Variants in EFCAB6 observed in about 807,000 individuals in gnomAD.
EFCAB6 encodes EF-hand calcium binding domain 6, also known as EF-hand calcium-binding domain-containing protein 6.
A neutral mutation model predicts 169.8 loss-of-function variants in EFCAB6; 156 were observed. That is an observed-to-expected ratio of 0.92 (90% CI 0.81 to 1.05). The LOEUF is 1.05. Among genes scored for constraint, EFCAB6 ranks in the 50% least tolerant of loss-of-function variants. EFCAB6 has a pLI of 0.00. For synonymous variants in EFCAB6, 698 were observed against 676.4 expected (o/e 1.03, Z -0.50); for missense variants, 1,800 against 1,829.1 (o/e 0.98, Z 0.29).
intron 26 of EFCAB6, among the ~76,000 whole-genome samples, chr22:43,558,019 T>A (rs554596796): frequency 6.6e-6 from 1 of 152,308 alleles, no homozygotes; most frequent in South Asian, 2.1e-4. Flanking sequence ...TGAGTATTAA[T>A]CAAAAATTAT....
At chr22:43,581,702 C>T (rs1342425877) in intron 24 of EFCAB6, among the ~76,000 whole-genome samples, 1 of 152,154 alleles carries the variant, frequency 6.6e-6, no homozygotes, top group Non-Finnish European at 1.5e-5. Context: ...AAGGTGGAGA[C>T]AGAAGTTTCC....
At chr22:43,706,310 C>G (rs776774671) in intron 10 of EFCAB6, among the ~76,000 whole-genome samples, 2 of 152,218 alleles carry the variant, frequency 1.3e-5, no homozygotes, top group Non-Finnish European at 2.9e-5. Flanking sequence ...CTGCCTCTCA[C>G]CTTTTCATAG....
intron 24 of EFCAB6, among the ~76,000 whole-genome samples, chr22:43,581,876 C>T (rs569548646): frequency 5.3e-5 from 8 of 152,310 alleles, no homozygotes; most frequent in African/African-American, 1.4e-4. Context: ...GGATAAATTG[C>T]CAACGTGGTA....
intron 31 of EFCAB6, among the ~76,000 whole-genome samples, 154 bp from the exon 32 acceptor site, chr22:43,529,129 C>T (rs1405222417): frequency 6.6e-6 from 1 of 152,246 alleles, no homozygotes; most frequent in Non-Finnish European, 1.5e-5. Context: ...TATGCCCTCT[C>T]AACCTCTGCC....
intron 17 of EFCAB6, among the ~76,000 whole-genome samples, chr22:43,643,475 G>A (rs917374878): frequency 6.6e-6 from 1 of 152,246 alleles, no homozygotes; most frequent in Non-Finnish European, 1.5e-5. Context: ...GAGCAATAAG[G>A]AGCCACTCAG....
intron 10 of EFCAB6, 61 bp downstream of exon 10, chr22:43,711,414 G>T: frequency 6.8e-7 from 1 of 1,462,588 alleles, no homozygotes; most frequent in Non-Finnish European, 9.1e-7. Flanking sequence ...ACGAAGCTGT[G>T]CCTTATTCTT....
chr22:43,586,340 A>ATTTTTTTTTT (rs36058832), intron 24 of EFCAB6, among the ~76,000 whole-genome samples: 4,406 of 72,468 alleles, frequency 0.061, 554 homozygotes, highest in Non-Finnish European at 0.076. Flanking sequence ...GCAACAACTG[A>ATTTTTTTTTT]TTTTTTTTTT....
intron 17 of EFCAB6, among the ~76,000 whole-genome samples, chr22:43,657,480 A>T (rs1264242129): frequency 1.3e-5 from 2 of 152,168 alleles, no homozygotes; most frequent in Admixed American, 6.5e-5. Context: ...AATACATTTT[A>T]AAAATAAACC....
chr22:43,668,860 G>A lies in EFCAB6; in HGVS notation c.1814+12C>T, dbSNP rs2057369204. The A allele has an allele frequency of 5.7e-6, 9 of 1,574,852 alleles. No homozygotes were observed. The East Asian group carries it at 2.1e-4, about 36-fold the overall frequency. On this transcript the variant is annotated intron_variant, in intron 16 of 31. Transcript: ENST00000262726. ...TGGTTTTGATATGTGCATTCATTTT[G>A]CTTAATTTTACCTCTCAGAAAGATC...
chr22:43,601,529 T>G lies in EFCAB6; in HGVS notation c.2682-1266A>C, dbSNP rs5764680. Among the ~76,000 whole-genome samples the G allele has an allele frequency of 4.4e-3, 673 of 152,312 alleles. 14 individuals carry two copies. The East Asian group carries it at 0.059, about 13-fold the overall frequency. On this transcript the variant is annotated intron_variant, in intron 22 of 31. Transcript: ENST00000262726. ...TTTGTCTGATGGAGTAGAAGTACAA[T>G]CAGTTTTCCTTTGAGAGGTACAGCT...
intron 12 of EFCAB6, 61 bp downstream of exon 12, chr22:43,683,686 T>G: frequency 8.2e-7 from 1 of 1,217,380 alleles, no homozygotes; most frequent in East Asian, 2.3e-5. Flanking sequence ...GGTCTTGTTC[T>G]GAGTGTTTGC....
intron 17 of EFCAB6, among the ~76,000 whole-genome samples, chr22:43,646,501 TTA>T (rs1401047644): frequency 6.6e-6 from 1 of 152,172 alleles, no homozygotes; most frequent in Non-Finnish European, 1.5e-5. Flanking sequence ...CATATTGCAT[TTA>T]TATAGAAATA....
chr22:43,785,402 T>C (rs2062040316), intron 2 of EFCAB6, among the ~76,000 whole-genome samples: 2 of 150,884 alleles, frequency 1.3e-5, no homozygotes, highest in African/African-American at 4.9e-5. Flanking sequence ...AACACACTCC[T>C]AAATAACCAA....
Position 43,540,339 on chromosome 22 carries a change from C to G in EFCAB6, c.3667G>C (p.Glu1223Gln). ...CTCCCCTTGGCATTGACTGGCATCTCGTTCCAGAGTCTGTCAAACTGGAGA... is the reference window on the plus strand; with the variant it reads ...CTCCCCTTGGCATTGACTGGCATCTGGTTCCAGAGTCTGTCAAACTGGAGA... ...TDEQFDRLWN[E>Q]MPVNAKGRLK... The change falls in exon 28 of 32, where the codon GAG becomes CAG. Residue 1223 changes from glutamate (E) to glutamine (Q), a missense_variant. Glu to Gln is a conservative substitution (Grantham distance 29). Transcript: ENST00000262726. The G allele has an allele frequency of 1.2e-6, 2 of 1,614,056 alleles. No homozygotes were observed. The highest frequency in any genetic ancestry group is 1.7e-6 in the Non-Finnish European group (2 of 1,180,008).
chr22:43,747,934 C>T (rs1387050741), intron 6 of EFCAB6, among the ~76,000 whole-genome samples: 1 of 152,088 alleles, frequency 6.6e-6, no homozygotes, highest in South Asian at 2.1e-4. Context: ...GGTGATATAC[C>T]GCCCAATAAA....
chr22:43,658,820 TC>T (rs1239475731), intron 17 of EFCAB6, among the ~76,000 whole-genome samples: 1 of 152,108 alleles, frequency 6.6e-6, no homozygotes, highest in African/African-American at 2.4e-5. Context: ...AAGCTGGTCA[TC>T]CCCTTAAAAT....
chr22:43,782,142 T>G, intron 3 of EFCAB6, 38 bp downstream of exon 3: 1 of 1,588,674 alleles, frequency 6.3e-7, no homozygotes, highest in Non-Finnish European at 8.6e-7. Flanking sequence ...ATAAGTGATA[T>G]CTACAGTTAG....
At chr22:43,696,794 G>A (rs925932694) in intron 10 of EFCAB6, among the ~76,000 whole-genome samples, 1 of 152,134 alleles carries the variant, frequency 6.6e-6, no homozygotes, top group African/African-American at 2.4e-5. Context: ...CCGGAGGTGG[G>A]GGTCACGGGA....
At chr22:43,731,315 AG>A (rs1468386853) in intron 8 of EFCAB6, among the ~76,000 whole-genome samples, 8 of 152,238 alleles carry the variant, frequency 5.3e-5, no homozygotes, top group Non-Finnish European at 1.0e-4. Context: ...CCATCATTAA[AG>A]AAAAAAAGTT....
Sources: gnomAD v4.1 joint callset for allele counts (sites outside exome capture counted in the v4.1 genomes callset) on GRCh38, gnomAD v4.1.1 for gene constraint, MANE v1.5 for transcripts, NCBI Gene and HGNC (gene_info 2026-07-23, HGNC 2026-07-21) for gene names.